Variants in HAS3 observed in about 807,000 individuals in gnomAD.
HAS3 encodes the protein hyaluronan synthase 3, also known as HA synthase 3.
A neutral mutation model predicts 50.3 loss-of-function variants in HAS3; 27 were observed. That is an observed-to-expected ratio of 0.54 (90% CI 0.40 to 0.74). The LOEUF (loss-of-function observed/expected upper bound fraction) is 0.74. HAS3 is among the 30% of genes least tolerant of loss of function. HAS3 has a pLI of 0.00. For missense variants in HAS3, 517 were observed against 742.8 expected, an observed-to-expected ratio of 0.70 and a Z score of 3.53; for synonymous variants, 339 against 310.9, an observed-to-expected ratio of 1.09 and a Z score of -0.95.
the HAS3 span, among the ~76,000 whole-genome samples, chr16:69,094,657 G>T: frequency 6.6e-6 from 1 of 152,094 alleles, no homozygotes; most frequent in Non-Finnish European, 1.5e-5. Context: ...CCTTTGGGTG[G>T]GGAAATCCCC....
At position 69,109,220 on chromosome 16, in the gene HAS3, G is replaced by C. The variant is rs978275174; in HGVS notation, c.1-176G>C. On this transcript the variant is annotated intron_variant, in intron 1 of 3. Transcript: ENST00000569188. The surrounding 1 kb of genome is among the most constrained non-coding windows in gnomAD (Gnocchi z 5.3). ...GGGGGCACAGACATCAAGTGGCAGA[G>C]CTGGGATCTGAACCCCAGTAGTCTG... Among the ~76,000 whole-genome samples, 3 of 152,246 alleles carry C rather than the reference G, an allele frequency of 2.0e-5. No homozygotes were observed. The highest frequency in any genetic ancestry group is 2.9e-5 in the Non-Finnish European group (2 of 68,044).
chr16:69,109,874 A>G lies in HAS3; in HGVS notation c.479A>G (p.Glu160Gly), dbSNP rs1597094987. 1 of 1,613,796 alleles carries G rather than the reference A, an allele frequency of 6.2e-7. No homozygotes were observed. The highest frequency in any genetic ancestry group is 1.1e-5 in the South Asian group (1 of 91,080). Residue 160 changes from glutamate to glycine, a missense_variant, in exon 2 of 4, where the codon GAG becomes GGG. Glu to Gly is a moderately conservative substitution (Grantham distance 98, BLOSUM62 -2). Coordinates refer to ENST00000569188, the MANE Select transcript of HAS3 (RefSeq NM_001199280.2). This position sits in a 1 kb window ranked among gnomAD's most constrained non-coding sequence, Gnocchi z 5.3. ...VWRSNFHEAG[E>G]GETEASLQEG... ...CGCAGCAACTTCCATGAGGCAGGCG[A>G]GGGTGAGACGGAGGCCAGCCTGCAG...
the HAS3 span, among the ~76,000 whole-genome samples, chr16:69,096,215 CAAA>C: frequency 5.2e-5 from 3 of 58,100 alleles, no homozygotes; most frequent in Admixed American, 2.1e-4. Flanking sequence ...GACTCCGTCT[CAAA>C]AAAAAAAAAA....
chr16:69,113,766 T>C (rs1961088493), intron 3 of HAS3, among the ~76,000 whole-genome samples: 1 of 152,038 alleles, frequency 6.6e-6, no homozygotes, highest in African/African-American at 2.4e-5. Flanking sequence ...TGGAGCAGAG[T>C]CTATACTGCA....
rs146115823 is a variant in HAS3, at chr16:69,114,524, T to C, written c.920T>C (p.Phe307Ser). The change falls in exon 4 of 4, where the codon TTC (phenylalanine) becomes TCC (serine). Residue 307 changes from phenylalanine to serine, a missense_variant. Physicochemically the swap from Phe to Ser is radical, Grantham distance 155. Coordinates refer to ENST00000569188, the MANE Select transcript of HAS3 (RefSeq NM_001199280.2). The surrounding 1 kb of genome is among the most constrained non-coding windows in gnomAD (Gnocchi z 6.4). ...CTGGAGGACTGGTACCATCAGAAGTTCCTAGGCAGCAAGTGCAGCTTCGGG... is the reference window on the plus strand; with the variant it reads ...CTGGAGGACTGGTACCATCAGAAGTCCCTAGGCAGCAAGTGCAGCTTCGGG... ...QFLEDWYHQKFLGSKCSFGDD... is the reference protein window; with the variant it reads ...QFLEDWYHQKSLGSKCSFGDD... 1 of 1,614,022 alleles carries C rather than the reference T, an allele frequency of 6.2e-7. No individual in the cohort carries two copies. Among genetic ancestry groups the C allele is most frequent in the East Asian group, 2.2e-5 (1 of 44,874 alleles).
chr16:69,093,523 C>CT, the HAS3 span, among the ~76,000 whole-genome samples: 2,943 of 87,408 alleles, frequency 0.034, 84 homozygotes, highest in Non-Finnish European at 0.045. Context: ...TACAGTGTAT[C>CT]TTTTTTTTTT....
upstream of HAS3, among the ~76,000 whole-genome samples, chr16:69,104,683 ATCCTCCATCTTC>A (rs1424347321): frequency 2.6e-5 from 4 of 152,086 alleles, no homozygotes; most frequent in East Asian, 3.9e-4. Flanking sequence ...GCCTCAAGCG[ATCCTCCATCTTC>A]AGCCTCCCAA....
At position 69,107,833 on chromosome 16, in the gene HAS3, G is replaced by A. The variant is rs2152255125; in HGVS notation, c.1-1563G>A. The A allele has an allele frequency of 2.0e-6, 1 of 509,538 alleles. No homozygotes were observed. Among genetic ancestry groups the A allele is most frequent in the Non-Finnish European group, 2.5e-6 (1 of 394,814 alleles). The allele number at this position is 509,538 out of a possible 1,614,324, so 31.6% of individuals were successfully genotyped here. On this transcript the variant is annotated intron_variant, in intron 1 of 3. Coordinates refer to ENST00000569188, the MANE Select transcript of HAS3 (RefSeq NM_001199280.2). The surrounding 1 kb of genome is among the most constrained non-coding windows in gnomAD (Gnocchi z 5.5). Reference sequence around the variant, plus strand: ...GAAGGAAGCACACGGCGGGCTCCCCGGGACGGTGGGGCAGAGCGCCCGGAG... The same window carrying A: ...GAAGGAAGCACACGGCGGGCTCCCCAGGACGGTGGGGCAGAGCGCCCGGAG...
Position 69,114,721 on chromosome 16 carries a change from C to T in HAS3, c.1117C>T (p.His373Tyr). The T allele has an allele frequency of 1.2e-6, 2 of 1,614,110 alleles. No individual in the cohort carries two copies. Among genetic ancestry groups the T allele is most frequent in the Non-Finnish European group, 1.7e-6 (2 of 1,179,968 alleles). Residue 373 changes from histidine (H) to tyrosine (Y), a missense_variant, in exon 4 of 4, where the codon CAT (histidine) becomes TAT (tyrosine). By Grantham distance (83) the His-to-Tyr change is moderately conservative. Transcript: ENST00000569188. This position sits in a 1 kb window ranked among gnomAD's most constrained non-coding sequence, Gnocchi z 6.4. ...GTGGCTCTACAACTCTCTGTGGTTCCATAAGCACCACCTCTGGATGACCTA... is the reference window on the plus strand; with the variant it reads ...GTGGCTCTACAACTCTCTGTGGTTCTATAAGCACCACCTCTGGATGACCTA... ...REWLYNSLWF[H>Y]KHHLWMTYES... is the part of the protein sequence containing the mutation.
At chr16:69,090,590 C>T in the HAS3 span, among the ~76,000 whole-genome samples, 153 of 151,606 alleles carry the variant, frequency 1.0e-3, no homozygotes, top group African/African-American at 3.7e-3. Flanking sequence ...TTTTTTTAGA[C>T]GGAGTCTTGC....
At chr16:69,111,424 T>C (rs1390353835) in intron 2 of HAS3, among the ~76,000 whole-genome samples, 2 of 152,188 alleles carry the variant, frequency 1.3e-5, no homozygotes. Flanking sequence ...GACTCTGTTC[T>C]CTGACCTCCA....
chr16:69,116,221 G>T lies in HAS3; in HGVS notation c.*955G>T. The T allele has an allele frequency of 1.0e-6, 1 of 985,542 alleles. No individual in the cohort carries two copies. The highest frequency in any genetic ancestry group is 1.2e-6 in the Non-Finnish European group (1 of 829,952). The allele number at this position is 985,542 out of a possible 1,614,324, so 61.0% of individuals were successfully genotyped here. A position where few individuals can be genotyped will look rare whatever the true frequency, so the allele number is the denominator to read the frequency against. ...TTTCTTCAAAGCCACATTTTTTGAG[G>T]TATCACTGCAGTCACCTCTTCTACC... On this transcript the variant is annotated 3_prime_UTR_variant, in exon 4 of 4. Transcript: ENST00000569188.
Position 69,115,142 on chromosome 16 carries a change from T to C in HAS3, c.1538T>C (p.Leu513Pro). Reference sequence around the variant, plus strand: ...TTCAGTGAGACAGAGCTAGCCTTCCTTGTCTCTGGGGCTATACTGTATGGC... The same window carrying C: ...TTCAGTGAGACAGAGCTAGCCTTCCCTGTCTCTGGGGCTATACTGTATGGC... ...DLFSETELAF[L>P]VSGAILYGCY... The change falls in exon 4 of 4, where the codon CTT becomes CCT. Residue 513 changes from leucine to proline, a missense_variant. By Grantham distance (98) the Leu-to-Pro change is moderately conservative. Transcript: ENST00000569188. 6.2e-7 allele frequency: 1 copy of C among 1,609,942 alleles called. No homozygotes were observed. The highest frequency in any genetic ancestry group is 8.5e-7 in the Non-Finnish European group (1 of 1,177,694).
In HAS3 at chr16:69,114,626, C is replaced by T; in HGVS notation, c.1022C>T (p.Thr341Ile). 1 of 1,614,130 alleles carries T rather than the reference C, an allele frequency of 6.2e-7. No homozygotes were observed. Among genetic ancestry groups the T allele is most frequent in the South Asian group, 1.1e-5 (1 of 91,064 alleles). The change falls in exon 4 of 4, where the codon ACA becomes ATA. Residue 341 changes from threonine to isoleucine, a missense_variant. Coordinates refer to ENST00000569188, the MANE Select transcript of HAS3 (RefSeq NM_001199280.2). This position sits in a 1 kb window ranked among gnomAD's most constrained non-coding sequence, Gnocchi z 6.4. ...TATACCGCGCGCTCCAAGTGCCTCACAGAGACCCCCACTAAGTACCTCCGG... is the reference window on the plus strand; with the variant it reads ...TATACCGCGCGCTCCAAGTGCCTCATAGAGACCCCCACTAAGTACCTCCGG... Reference protein sequence around the residue: ...TKYTARSKCLTETPTKYLRWL... With the variant: ...TKYTARSKCLIETPTKYLRWL...
At chr16:69,101,457 C>T (rs1056311699), upstream of HAS3, among the ~76,000 whole-genome samples, 53 of 152,150 alleles carry the variant, frequency 3.5e-4, no homozygotes, top group African/African-American at 1.2e-3. Context: ...TGTGCCACCA[C>T]GCTTGGCTAA....
In HAS3 at chr16:69,115,450, C is replaced by T; in HGVS notation, c.*184C>T. 1 of 1,304,316 alleles carries T rather than the reference C, an allele frequency of 7.7e-7. No homozygotes were observed. The highest frequency in any genetic ancestry group is 1.5e-5 in the African/African-American group (1 of 67,090). 80.8% of individuals were successfully genotyped at this position (1,304,316 alleles called of 1,614,324 possible). A position where few individuals can be genotyped will look rare whatever the true frequency, so the allele number is the denominator to read the frequency against. On this transcript the variant is annotated 3_prime_UTR_variant, in exon 4 of 4. Transcript: ENST00000569188. ...GCCTGACAGCTCTGTTTAGAGGAGG[C>T]AACACTGATCCCCCAGATGCAGGGC...
In HAS3 at chr16:69,116,030, C is replaced by G. The variant is rs1961167430; in HGVS notation, c.*764C>G. ...TTCCACCTGGAAACTGCTCAGACGT[C>G]TAGATGGGTTCTTAGCTTGTCTGTG... On this transcript the variant is annotated 3_prime_UTR_variant, in exon 4 of 4. Transcript: ENST00000569188. The G allele has an allele frequency of 1.0e-6, 1 of 985,654 alleles. No individual in the cohort carries two copies. The highest frequency in any genetic ancestry group is 1.7e-5 in the African/African-American group (1 of 57,258). The allele number at this position is 985,654 out of a possible 1,614,324, so 61.1% of individuals were successfully genotyped here.
At chr16:69,118,364 A>T (rs1961324872), downstream of HAS3, 20 of 1,605,262 alleles carry the variant, frequency 1.2e-5, no homozygotes, top group Non-Finnish European at 1.5e-5. Flanking sequence ...GCCCCCAGGG[A>T]AAGGTATGGC....
Position 69,110,026 on chromosome 16 carries a change from A to T in HAS3, c.631A>T (p.Ile211Phe). 6.2e-7 allele frequency: 1 copy of T among 1,605,188 alleles called. No homozygotes were observed. The highest frequency in any genetic ancestry group is 8.5e-7 in the Non-Finnish European group (1 of 1,173,638). Reference sequence around the variant, plus strand: ...GGCCCTCGGCGATTCGGTGGACTACATCCAGGTAAGGGCGCCTCCCTAGGA... The same window carrying T: ...GGCCCTCGGCGATTCGGTGGACTACTTCCAGGTAAGGGCGCCTCCCTAGGA... Reference protein sequence around the residue: ...FKALGDSVDYIQVCDSDTVLD... With the variant: ...FKALGDSVDYFQVCDSDTVLD... The change falls in exon 2 of 4, where the codon ATC becomes TTC. Residue 211 changes from isoleucine to phenylalanine, a missense_variant. Coordinates refer to ENST00000569188, the MANE Select transcript of HAS3 (RefSeq NM_001199280.2).
Sources: gnomAD v4.1 joint callset for allele counts (sites outside exome capture counted in the v4.1 genomes callset) on GRCh38, gnomAD v4.1.1 for gene constraint, Gnocchi (gnomAD v3.1) non-coding constraint, MANE v1.5 for transcripts, NCBI Gene and HGNC (gene_info 2026-07-23, HGNC 2026-07-21) for gene names.